Variants in SLC4A5 observed in about 807,000 individuals in gnomAD.
SLC4A5 encodes the protein solute carrier family 4 member 5, also known as electrogenic sodium bicarbonate cotransporter 4.
A neutral mutation model predicts 120.4 loss-of-function variants in SLC4A5; 96 were observed. The observed-to-expected ratio is 0.80, with a 90% CI of 0.68 to 0.94. The LOEUF is 0.94. Ranked by LOEUF, SLC4A5 falls within the 40% of genes least tolerant of loss-of-function variation. The pLI is 0.00. For missense variants in SLC4A5, 1,259 were observed against 1,459.5 expected (o/e 0.86, Z 2.24); for synonymous variants, 550 against 571.1 (o/e 0.96, Z 0.53).
intron 10 of SLC4A5, 131 bp from the exon 11 acceptor site, chr2:74,262,363 CTTT>C (rs1308343671): frequency 0.016 from 5,175 of 333,090 alleles, no homozygotes; most frequent in South Asian, 0.022. Flanking sequence ...GGAAGAAATT[CTTT>C]TTTTTTTTTT....
chr2:74,307,776 C>A (rs1183507795), intron 6 of SLC4A5: 2 of 573,952 alleles, frequency 3.5e-6, no homozygotes, highest in Non-Finnish European at 6.4e-6. Context: ...CTTTCTCGTT[C>A]TGGATGCCTC....
intron 8 of SLC4A5, among the ~76,000 whole-genome samples, chr2:74,275,237 G>A (rs892785957): frequency 6.6e-6 from 1 of 152,168 alleles, no homozygotes; most frequent in Admixed American, 6.5e-5. Context: ...GGTGGCCTCT[G>A]CTCCCAAGCT....
intron 7 of SLC4A5, among the ~76,000 whole-genome samples, chr2:74,294,663 G>A (rs1672274775): frequency 6.7e-6 from 1 of 150,226 alleles, no homozygotes; most frequent in African/African-American, 2.5e-5. Context: ...AAATTTAAAG[G>A]CCTCTCAGTT....
At chr2:74,250,511 G>A (rs375545400) in exon 17 of SLC4A5, 19 of 1,614,000 alleles carry the variant, frequency 1.2e-5, no homozygotes, top group South Asian at 2.2e-5. Flanking sequence ...ACAGGCCACC[G>A]AAGAACCTGC....
intron 10 of SLC4A5, 134 bp downstream of exon 10, chr2:74,264,013 A>T: frequency 1.7e-6 from 2 of 1,179,840 alleles, no homozygotes; most frequent in Non-Finnish European, 2.3e-6. Context: ...CCTGCCAGAG[A>T]AGGAGGCTGA....
exon 31 of SLC4A5, chr2:74,218,560 G>A (rs1199789179): frequency 6.6e-6 from 1 of 152,566 alleles, no homozygotes; most frequent in African/African-American, 2.4e-5. Context: ...GCACAGAGAA[G>A]TTAAGACCCT....
At chr2:74,309,710 T>C (rs1166762823) in intron 6 of SLC4A5, among the ~76,000 whole-genome samples, 2 of 151,392 alleles carry the variant, frequency 1.3e-5, no homozygotes, top group Non-Finnish European at 2.9e-5. Context: ...GGCTGAAGTG[T>C]AGTGGCGCCA....
At chr2:74,227,910 CT>C in intron 25 of SLC4A5, 32 bp from the exon 26 acceptor site, 1 of 1,551,150 alleles carries the variant, frequency 6.4e-7, no homozygotes, top group East Asian at 2.3e-5. Context: ...GGATCGGCCT[CT>C]GCCTGGGGCG....
chr2:74,224,852 G>A (rs1232044703), exon 28 of SLC4A5: 1 of 1,611,926 alleles, frequency 6.2e-7, no homozygotes, highest in African/African-American at 1.3e-5. Context: ...CCTCATCACA[G>A]TCCTCGTGGG....
intron 8 of SLC4A5, among the ~76,000 whole-genome samples, chr2:74,276,351 A>C (rs1671638979): frequency 6.6e-6 from 1 of 152,204 alleles, no homozygotes; most frequent in Admixed American, 6.5e-5. Flanking sequence ...GACCTAACAC[A>C]ACATCCCCTC....
chr2:74,343,214 T>C (rs1202274685), intron 1 of SLC4A5, 142 bp downstream of exon 1: 1 of 152,244 alleles, frequency 6.6e-6, no homozygotes, highest in Non-Finnish European at 1.5e-5. Flanking sequence ...TACAGGCCTT[T>C]AGCAAAAAGC....
At chr2:74,239,360 T>C in exon 21 of SLC4A5, 6 of 1,614,178 alleles carry the variant, frequency 3.7e-6, no homozygotes, top group Non-Finnish European at 5.1e-6. Flanking sequence ...GCGGCTGAAT[T>C]TGAACTTCTT....
At chr2:74,323,808 A>C (rs1558914529) in intron 5 of SLC4A5, among the ~76,000 whole-genome samples, 1 of 152,230 alleles carries the variant, frequency 6.6e-6, no homozygotes, top group Non-Finnish European at 1.5e-5. Flanking sequence ...GATAAAAAAG[A>C]GATGTCTGTG....
chr2:74,220,313 C>T (rs906771285), intron 30 of SLC4A5, among the ~76,000 whole-genome samples: 1 of 149,800 alleles, frequency 6.7e-6, no homozygotes, highest in East Asian at 1.9e-4. Context: ...CTATTCTTAA[C>T]AGTTCCCATC....
At chr2:74,321,413 TAG>T (rs1157436578) in intron 5 of SLC4A5, among the ~76,000 whole-genome samples, 3 of 152,174 alleles carry the variant, frequency 2.0e-5, no homozygotes, top group Non-Finnish European at 2.9e-5. Flanking sequence ...CCTTCCTGGA[TAG>T]AGTTGCCAGG....
intron 8 of SLC4A5, among the ~76,000 whole-genome samples, chr2:74,271,844 TC>T (rs1671484199): frequency 1.3e-5 from 2 of 152,118 alleles, no homozygotes; most frequent in African/African-American, 4.8e-5. Context: ...ACACTTGTAA[TC>T]CCAGCGCTCT....
chr2:74,315,964 C>T (rs996368308), intron 5 of SLC4A5, among the ~76,000 whole-genome samples: 2 of 151,988 alleles, frequency 1.3e-5, no homozygotes, highest in Non-Finnish European at 2.9e-5. Context: ...GTTAACATTG[C>T]TATGTGCCAG....
chr2:74,252,149 C>G, intron 16 of SLC4A5, 30 bp downstream of exon 16: 1 of 1,605,680 alleles, frequency 6.2e-7, no homozygotes, highest in Non-Finnish European at 8.5e-7. Flanking sequence ...TAAAGGACAG[C>G]AGGGTCACTG....
intron 8 of SLC4A5, among the ~76,000 whole-genome samples, chr2:74,279,482 C>T (rs1671743790): frequency 1.3e-5 from 2 of 152,250 alleles, no homozygotes; most frequent in African/African-American, 4.8e-5. Flanking sequence ...TCTGCCCATC[C>T]TGCAAATACT....
Sources: allele counts gnomAD v4.1 joint callset (sites outside exome capture counted in the v4.1 genomes callset), GRCh38; gene constraint gnomAD v4.1.1; transcripts MANE v1.5; gene names NCBI Gene and HGNC (gene_info 2026-07-23, HGNC 2026-07-21).